BRINP3: variants seen among roughly 807,000 people sequenced by gnomAD.
The protein encoded by BRINP3 is BMP/retinoic acid-inducible neural-specific protein 3.
Under a neutral mutation model 71.0 loss-of-function variants are expected in BRINP3, and 19 were observed. That is an observed-to-expected ratio of 0.27 (90% CI 0.19 to 0.39). BRINP3 has a LOEUF of 0.39. BRINP3 is among the 10% of genes least tolerant of loss of function. The probability of loss-of-function intolerance (pLI) is 1.00; values close to 1 mark genes in which losing one functional copy is unlikely to be tolerated. For missense variants in BRINP3, 959 were observed against 940.8 expected, an observed-to-expected ratio of 1.02 and a Z score of -0.25; for synonymous variants, 380 against 337.7, an observed-to-expected ratio of 1.13 and a Z score of -1.37.
intron 2 of BRINP3, among the ~76,000 whole-genome samples, chr1:190,386,818 C>T (rs548991630): frequency 1.3e-5 from 2 of 152,126 alleles, no homozygotes; most frequent in East Asian, 3.9e-4. Context: ...GGGCTTACAA[C>T]TCATATTGCT....
chr1:190,261,452 T>C (rs1053014218), intron 4 of BRINP3, among the ~76,000 whole-genome samples: 1 of 152,022 alleles, frequency 6.6e-6, no homozygotes, highest in Non-Finnish European at 1.5e-5. Flanking sequence ...AAGTATAGTC[T>C]ACATTTATAT....
chr1:190,360,667 A>AT (rs1002215209), intron 2 of BRINP3, among the ~76,000 whole-genome samples: 227 of 150,504 alleles, frequency 1.5e-3, no homozygotes, highest in African/African-American at 5.0e-3. Context: ...AATGGCATTG[A>AT]TTTTTTTTTT....
At chr1:190,285,686 T>C (rs185130429) in intron 2 of BRINP3, among the ~76,000 whole-genome samples, 15 of 152,158 alleles carry the variant, frequency 9.9e-5, no homozygotes, top group East Asian at 5.8e-4. Context: ...AAGGAGCTAA[T>C]GTCTGTATAT....
intron 2 of BRINP3, among the ~76,000 whole-genome samples, chr1:190,367,787 CA>C (rs1316643146): frequency 1.3e-5 from 2 of 152,140 alleles, no homozygotes; most frequent in African/African-American, 4.8e-5. Context: ...CTCAAGTTCC[CA>C]AGTTCCTCAT....
chr1:190,199,944 C>T (rs530434843), intron 6 of BRINP3, among the ~76,000 whole-genome samples: 6 of 152,168 alleles, frequency 3.9e-5, no homozygotes, highest in East Asian at 1.9e-4. Context: ...TTGCCAGACT[C>T]ATTTTCTACC....
At chr1:190,413,751 C>A (rs578028785) in intron 2 of BRINP3, among the ~76,000 whole-genome samples, 1 of 152,208 alleles carries the variant, frequency 6.6e-6, no homozygotes, top group East Asian at 1.9e-4. Flanking sequence ...TTTTAAGCCA[C>A]CAAGATTTTC....
intron 2 of BRINP3, among the ~76,000 whole-genome samples, chr1:190,310,879 GA>G (rs1362869401): frequency 6.6e-6 from 1 of 151,664 alleles, no homozygotes; most frequent in Non-Finnish European, 1.5e-5. Context: ...ATTAGCCCAT[GA>G]TGCATAACAA....
intron 7 of BRINP3, among the ~76,000 whole-genome samples, chr1:190,106,283 G>C (rs905107696): frequency 1.3e-5 from 2 of 151,394 alleles, no homozygotes; most frequent in African/African-American, 4.8e-5. Flanking sequence ...TAATGAAAAT[G>C]ATTTTATATA....
At chr1:190,407,593 A>G (rs1000411602) in intron 2 of BRINP3, among the ~76,000 whole-genome samples, 10 of 152,228 alleles carry the variant, frequency 6.6e-5, no homozygotes, top group African/African-American at 2.4e-4. Context: ...ATGTACCATT[A>G]AATTTATTTA....
intron 6 of BRINP3, among the ~76,000 whole-genome samples, chr1:190,200,248 A>G (rs956202062): frequency 1.3e-5 from 2 of 151,866 alleles, no homozygotes; most frequent in African/African-American, 4.8e-5. Flanking sequence ...CTCTTCCTCA[A>G]TAAATAGCTA....
At chr1:190,118,551 A>G (rs1653343710) in intron 7 of BRINP3, among the ~76,000 whole-genome samples, 1 of 152,118 alleles carries the variant, frequency 6.6e-6, no homozygotes, top group Non-Finnish European at 1.5e-5. Flanking sequence ...AACCTAGGAG[A>G]TAAGTACTAA....
At chr1:190,411,504 G>GAC in intron 2 of BRINP3, among the ~76,000 whole-genome samples, 1 of 152,202 alleles carries the variant, frequency 6.6e-6, no homozygotes, top group African/African-American at 2.4e-5. Context: ...TGTAAACTTT[G>GAC]TGTGAACAGT....
chr1:190,270,494 T>C (rs997896855), intron 3 of BRINP3, among the ~76,000 whole-genome samples: 72 of 151,930 alleles, frequency 4.7e-4, no homozygotes, highest in African/African-American at 1.7e-3. Flanking sequence ...GAATATATTC[T>C]GAAGACGAAT....
intron 2 of BRINP3, among the ~76,000 whole-genome samples, chr1:190,417,939 C>A (rs1416472273): frequency 1.3e-5 from 2 of 152,018 alleles, no homozygotes; most frequent in Non-Finnish European, 2.9e-5. Flanking sequence ...TTAAAGGCAG[C>A]CAGATAACAC....
intron 2 of BRINP3, among the ~76,000 whole-genome samples, chr1:190,449,257 C>T (rs1301249261): frequency 6.6e-6 from 1 of 151,916 alleles, no homozygotes; most frequent in African/African-American, 2.4e-5. Context: ...ACCCTCCAAA[C>T]TCCTTTTTAT....
At chr1:190,277,451 G>C (rs1481782997) in intron 3 of BRINP3, among the ~76,000 whole-genome samples, 1 of 151,260 alleles carries the variant, frequency 6.6e-6, no homozygotes, top group African/African-American at 2.4e-5. Flanking sequence ...ATGCGGATAA[G>C]GGCACATTTA....
chr1:190,166,541 C>G (rs1236210647), intron 6 of BRINP3, among the ~76,000 whole-genome samples: 1 of 152,102 alleles, frequency 6.6e-6, no homozygotes, highest in Non-Finnish European at 1.5e-5. Flanking sequence ...ATCATTTAAA[C>G]TAGAAGAAAC....
At chr1:190,225,581 T>C (rs1384148129) in intron 6 of BRINP3, among the ~76,000 whole-genome samples, 2 of 152,030 alleles carry the variant, frequency 1.3e-5, no homozygotes, top group African/African-American at 4.8e-5. Flanking sequence ...TTTATATGTA[T>C]GTTTTAACCA....
chr1:190,401,376 C>CAAAAAAAAAAAAAAAAAAA (rs762938571), intron 2 of BRINP3, among the ~76,000 whole-genome samples: 1 of 89,372 alleles, frequency 1.1e-5, no homozygotes, highest in Non-Finnish European at 2.0e-5. Context: ...CATCTCAAAA[C>CAAAAAAAAAAAAAAAAAAA]AAAAAAAAAA....
Sources: gnomAD v4.1 joint callset for allele counts (sites outside exome capture counted in the v4.1 genomes callset) on GRCh38, gnomAD v4.1.1 for gene constraint, MANE v1.5 for transcripts, NCBI Gene and HGNC (gene_info 2026-07-23, HGNC 2026-07-21) for gene names.